Variants in STIM1 observed in about 807,000 individuals in gnomAD.
STIM1 encodes the protein stromal interaction molecule 1.
Under a neutral mutation model 74.7 loss-of-function variants are expected in STIM1, and 25 were observed. That is an observed-to-expected ratio of 0.33 (90% CI 0.24 to 0.47). The LOEUF (loss-of-function observed/expected upper bound fraction) is 0.47. STIM1 is among the 20% of genes least tolerant of loss of function. STIM1 has a pLI of 1.00. For missense variants in STIM1, 728 were observed against 920.8 expected, an observed-to-expected ratio of 0.79 and a Z score of 2.71; for synonymous variants, 328 against 348.8, an observed-to-expected ratio of 0.94 and a Z score of 0.66.
At chr11:3,951,327 C>T (rs2093145363) in intron 1 of STIM1, among the ~76,000 whole-genome samples, 1 of 152,118 alleles carries the variant, frequency 6.6e-6, no homozygotes, top group South Asian at 2.1e-4. Flanking sequence ...TTATCTTCTC[C>T]CAAGAAAAGA....
At chr11:4,002,846 CTAAT>C in intron 2 of STIM1, among the ~76,000 whole-genome samples, 1 of 143,200 alleles carries the variant, frequency 7.0e-6, no homozygotes, top group Non-Finnish European at 1.5e-5. Flanking sequence ...GCTAGCAAGA[CTAAT>C]AAAGAAAAAA....
chr11:3,908,924 T>C (rs1221970508), intron 1 of STIM1, among the ~76,000 whole-genome samples: 1 of 152,190 alleles, frequency 6.6e-6, no homozygotes, highest in African/African-American at 2.4e-5. Context: ...GAGTTCTTCC[T>C]GTGCACCATT....
intron 1 of STIM1, among the ~76,000 whole-genome samples, chr11:3,907,156 A>G (rs2092478800): frequency 6.6e-6 from 1 of 152,222 alleles, no homozygotes; most frequent in African/African-American, 2.4e-5. Context: ...CTTAAGAATA[A>G]AAAGGGGTTT....
intron 1 of STIM1, among the ~76,000 whole-genome samples, chr11:3,951,865 C>T (rs184086187): frequency 2.0e-5 from 3 of 152,160 alleles, no homozygotes; most frequent in African/African-American, 4.8e-5. Context: ...TTGGGTCAGG[C>T]GCCAGTCAGA....
intron 2 of STIM1, among the ~76,000 whole-genome samples, chr11:4,020,161 T>A (rs2093942570): frequency 6.6e-6 from 1 of 152,166 alleles, no homozygotes; most frequent in South Asian, 2.1e-4. Flanking sequence ...GGTATGCTGT[T>A]GTGTAAATAT....
rs573151369 is a variant in STIM1, at chr11:3,884,284, A to C, written c.139+27875A>C. On this transcript the variant is annotated intron_variant, in intron 1 of 12. Transcript: ENST00000526596. ...AGAGTCCCTGCCCTGGTATTGTGGG[A>C]GTGTTGTAAGGATTCAGTGAGTTAA... 3.3e-5 allele frequency among the ~76,000 whole-genome samples: 5 copies of C among 152,178 alleles called. No individual in the cohort carries two copies. In the East Asian group the frequency reaches 9.7e-4, roughly 29 times the overall value.
chr11:3,970,074 C>CT (rs145136493), intron 2 of STIM1, among the ~76,000 whole-genome samples: 4,406 of 139,020 alleles, frequency 0.032, 156 homozygotes, highest in African/African-American at 0.085. Flanking sequence ...GCTCCTCATC[C>CT]TTTTTTTTTT....
chr11:3,914,930 T>C (rs890744705), intron 1 of STIM1, among the ~76,000 whole-genome samples: 4 of 152,166 alleles, frequency 2.6e-5, no homozygotes, highest in Non-Finnish European at 5.9e-5. Context: ...TTTTTCCTTT[T>C]TGGTTTTGTT....
At chr11:4,013,873 T>A (rs2093867998) in intron 2 of STIM1, among the ~76,000 whole-genome samples, 1 of 151,526 alleles carries the variant, frequency 6.6e-6, no homozygotes, top group Non-Finnish European at 1.5e-5. Flanking sequence ...CCTGGCTAAT[T>A]TTTTTGTATT....
chr11:4,035,515 G>A (rs1231253464), intron 3 of STIM1, among the ~76,000 whole-genome samples: 1 of 151,666 alleles, frequency 6.6e-6, no homozygotes, highest in Non-Finnish European at 1.5e-5. Context: ...CATTATATTG[G>A]ATGAAATGTT....
chr11:3,991,169 C>CTTTT (rs1246143538), intron 2 of STIM1, among the ~76,000 whole-genome samples: 9 of 124,204 alleles, frequency 7.2e-5, no homozygotes, highest in Admixed American at 1.7e-4. Context: ...TCTTTCCTTT[C>CTTTT]TTTTTTTTTT....
At chr11:3,886,725 C>T (rs193009509) in intron 1 of STIM1, among the ~76,000 whole-genome samples, 2,985 of 139,408 alleles carry the variant, frequency 0.021, 106 homozygotes, top group African/African-American at 0.074. Flanking sequence ...CTTATTTGGC[C>T]GGGTGCGGTG....
intron 1 of STIM1, among the ~76,000 whole-genome samples, chr11:3,927,331 C>G (rs1440118560): frequency 6.6e-6 from 1 of 152,118 alleles, no homozygotes; most frequent in African/African-American, 2.4e-5. Flanking sequence ...CATTTTCTAC[C>G]TCTGGATGGC....
Position 3,883,966 on chromosome 11 carries a change from A to G in STIM1, c.139+27557A>G, listed in dbSNP as rs1412112291. ...AAAGAATAATAGTCCCTATTGTTTT[A>G]TATTCAGGTAGGAAGATAGGCAATA... On this transcript the variant is annotated intron_variant, in intron 1 of 12. Transcript: ENST00000526596. 2.0e-5 allele frequency among the ~76,000 whole-genome samples: 3 copies of G among 152,174 alleles called. No individual in the cohort carries two copies. The East Asian group carries it at 5.8e-4, about 29-fold the overall frequency.
rs1298432070 is a variant in STIM1, at chr11:3,856,418, T to C, written c.139+9T>C. The C allele has an allele frequency of 6.2e-7, 1 of 1,613,300 alleles. No individual in the cohort carries two copies. Among genetic ancestry groups the C allele is most frequent in the Admixed American group, 1.7e-5 (1 of 60,012 alleles). Reference sequence around the variant, plus strand: ...GGAGTCCACTGCAGCAGGTAAGGCCTTGCTGCGGGCTGGACTGGGCTGGAG... The same window carrying C: ...GGAGTCCACTGCAGCAGGTAAGGCCCTGCTGCGGGCTGGACTGGGCTGGAG... On this transcript the variant is annotated intron_variant, in intron 1 of 12. Transcript: ENST00000526596.
At chr11:4,041,381 T>A (rs76508450) in intron 3 of STIM1, among the ~76,000 whole-genome samples, 153 of 152,308 alleles carry the variant, frequency 1.0e-3, no homozygotes, top group African/African-American at 3.6e-3. Flanking sequence ...AGTGAATGAA[T>A]GAATAAATGA....
At chr11:4,046,227 A>G (rs1346158516) in intron 3 of STIM1, among the ~76,000 whole-genome samples, 2 of 151,404 alleles carry the variant, frequency 1.3e-5, no homozygotes, top group South Asian at 2.1e-4. Context: ...ACCCCTCAAC[A>G]CTAATTTAAC....
intron 1 of STIM1, among the ~76,000 whole-genome samples, chr11:3,923,991 C>A (rs2092753114): frequency 6.6e-6 from 1 of 151,880 alleles, no homozygotes; most frequent in Non-Finnish European, 1.5e-5. Flanking sequence ...TCCATTTATT[C>A]AGTTTATTTA....
At chr11:3,895,759 C>T (rs185250654) in intron 1 of STIM1, among the ~76,000 whole-genome samples, 4,563 of 58,522 alleles carry the variant, frequency 0.078, 723 homozygotes, top group Middle Eastern at 0.14. Context: ...TTCCTTCCTT[C>T]CTTCCTTCCT....
Sources: gnomAD v4.1 joint callset for allele counts (sites outside exome capture counted in the v4.1 genomes callset) on GRCh38, gnomAD v4.1.1 for gene constraint, MANE v1.5 for transcripts, NCBI Gene and HGNC (gene_info 2026-07-23, HGNC 2026-07-21) for gene names.